Variants in PCDHA5 observed in about 807,000 individuals in gnomAD.
PCDHA5 encodes protocadherin alpha-5.
A neutral mutation model predicts 61.6 loss-of-function variants in PCDHA5; 43 were observed. The observed-to-expected ratio is 0.70, with a 90% confidence interval of 0.55 to 0.90. PCDHA5 has a LOEUF of 0.90. Ranked by LOEUF, PCDHA5 falls within the 40% of genes least tolerant of loss-of-function variation. PCDHA5 has a pLI of 0.00. For missense variants in PCDHA5, 1,298 were observed against 1,222.7 expected (o/e 1.06, Z -0.92); for synonymous variants, 627 against 543.9 (o/e 1.15, Z -2.13).
At chr5:140,851,067 G>A in intron 1 of PCDHA5, 4 of 1,367,668 alleles carry the variant, frequency 2.9e-6, no homozygotes, top group Non-Finnish European at 3.8e-6. Context: ...CTTCTAGTGA[G>A]AATTATAAAC....
intron 3 of PCDHA5, among the ~76,000 whole-genome samples, chr5:140,996,257 C>G (rs186736348): frequency 1.4e-4 from 22 of 152,342 alleles, no homozygotes; most frequent in African/African-American, 5.3e-4. Flanking sequence ...GACAGCAACA[C>G]AGAGCCTGGG....
At position 140,823,548 on chromosome 5, in the gene PCDHA5, G is replaced by A. The variant is rs2150126808; in HGVS notation, c.1773G>A (p.Ala591=). The part of the protein sequence containing the change: ...PRSVGAGHVV[A]KVRAVDPDSG... ...CAGTGGGTGCGGGCCACGTGGTGGC[G>A]AAGGTGCGCGCAGTGGACCCTGATT... Residue 591 remains alanine, a synonymous_variant, in exon 1 of 4, where the codon GCG becomes GCA. Transcript: ENST00000529859. 3 of 1,613,882 alleles carry A rather than the reference G, an allele frequency of 1.9e-6. No homozygotes were observed. The highest frequency in any genetic ancestry group is 8.5e-7 in the Non-Finnish European group (1 of 1,179,884).
chr5:140,902,419 T>C (rs2069442508), intron 1 of PCDHA5, among the ~76,000 whole-genome samples: 1 of 152,118 alleles, frequency 6.6e-6, no homozygotes, highest in Non-Finnish European at 1.5e-5. Flanking sequence ...ATAACAGTGG[T>C]GAAAGTGGGC....
At chr5:140,976,338 G>A (rs1554237535) in intron 1 of PCDHA5, among the ~76,000 whole-genome samples, 1 of 152,018 alleles carries the variant, frequency 6.6e-6, no homozygotes, top group Non-Finnish European at 1.5e-5. Flanking sequence ...ATTGCCTGAG[G>A]TCAGGTGTTC....
chr5:140,896,188 G>C (rs1554186861), intron 1 of PCDHA5, among the ~76,000 whole-genome samples: 1 of 152,132 alleles, frequency 6.6e-6, no homozygotes, highest in Non-Finnish European at 1.5e-5. Context: ...ATTGTGAATA[G>C]TGCCATGATG....
intron 1 of PCDHA5, among the ~76,000 whole-genome samples, chr5:140,919,626 T>C (rs1554199177): frequency 6.6e-6 from 1 of 152,244 alleles, no homozygotes. Flanking sequence ...TTTTGAGTTA[T>C]TTTCACAGTA....
At chr5:140,882,404 G>A in intron 1 of PCDHA5, 1 of 1,614,152 alleles carries the variant, frequency 6.2e-7, no homozygotes. Context: ...CACCTTCGTG[G>A]GCCGCATCGC....
intron 1 of PCDHA5, among the ~76,000 whole-genome samples, chr5:140,886,681 C>T (rs1184298079): frequency 1.3e-5 from 2 of 151,832 alleles, no homozygotes; most frequent in Admixed American, 6.6e-5. Context: ...CAAAAATTAG[C>T]GAGGCATGGT....
At chr5:140,996,622 G>C (rs2097735162) in intron 3 of PCDHA5, among the ~76,000 whole-genome samples, 1 of 152,156 alleles carries the variant, frequency 6.6e-6, no homozygotes, top group African/African-American at 2.4e-5. Context: ...AATTTCACTG[G>C]TTCCTGCAAA....
intron 1 of PCDHA5, chr5:140,831,181 A>T (rs2150192269): frequency 5.3e-5 from 8 of 152,354 alleles, no homozygotes; most frequent in African/African-American, 1.9e-4. Context: ...GTGATTCAAC[A>T]GAATTTAGAC....
chr5:140,831,877 C>T (rs2150197891), intron 1 of PCDHA5, among the ~76,000 whole-genome samples: 14 of 152,186 alleles, frequency 9.2e-5, no homozygotes, highest in Non-Finnish European at 1.9e-4. Context: ...TATTGTAAGG[C>T]GCTTATAACT....
intron 1 of PCDHA5, chr5:140,882,640 G>C (rs1330929245): frequency 1.2e-6 from 2 of 1,614,068 alleles, no homozygotes; most frequent in Admixed American, 3.3e-5. Context: ...TGAAGGTGAG[G>C]GACATTAACG....
chr5:140,877,057 G>C, intron 1 of PCDHA5: 1 of 1,612,862 alleles, frequency 6.2e-7, no homozygotes. Flanking sequence ...CGAGGAGCTG[G>C]AGCTGCTGCA....
intron 3 of PCDHA5, among the ~76,000 whole-genome samples, chr5:141,000,387 C>A (rs868946328): frequency 8.2e-4 from 55 of 66,860 alleles, no homozygotes; most frequent in African/African-American, 2.7e-3. Context: ...CTCTCTCTCT[C>A]TCTCTCTCTA....
At chr5:140,940,795 A>G (rs2153647229) in intron 1 of PCDHA5, among the ~76,000 whole-genome samples, 1 of 152,276 alleles carries the variant, frequency 6.6e-6, no homozygotes, top group Non-Finnish European at 1.5e-5. Flanking sequence ...TGAAAATGAT[A>G]TTTGCCAGGA....
intron 1 of PCDHA5, among the ~76,000 whole-genome samples, chr5:140,912,783 A>G (rs1287611610): frequency 6.6e-6 from 1 of 152,166 alleles, no homozygotes; most frequent in African/African-American, 2.4e-5. Context: ...TGTCCCTTCT[A>G]TGCCAATTTT....
chr5:140,971,202 C>T (rs1486022070), intron 1 of PCDHA5, among the ~76,000 whole-genome samples: 1 of 152,156 alleles, frequency 6.6e-6, no homozygotes, highest in Non-Finnish European at 1.5e-5. Context: ...AGGAAAGACA[C>T]TGTTACCCTC....
At chr5:141,001,253 C>T (rs896546841) in intron 3 of PCDHA5, among the ~76,000 whole-genome samples, 22 of 152,078 alleles carry the variant, frequency 1.4e-4, no homozygotes, top group African/African-American at 5.1e-4. Flanking sequence ...CCCTATGGGG[C>T]GGGCACTCTT....
At chr5:141,005,479 G>A (rs371636060) in intron 3 of PCDHA5, among the ~76,000 whole-genome samples, 43 of 151,818 alleles carry the variant, frequency 2.8e-4, no homozygotes, top group Non-Finnish European at 2.6e-4. Context: ...CGAGACGGGC[G>A]GATCATGAGG....
Sources: allele counts gnomAD v4.1 joint callset (sites outside exome capture counted in the v4.1 genomes callset), GRCh38; gene constraint gnomAD v4.1.1; transcripts MANE v1.5; gene names NCBI Gene and HGNC (gene_info 2026-07-23, HGNC 2026-07-21).